The following ATG10 variants were observed in gnomAD, a reference collection of about 807,000 sequenced individuals.
ATG10 encodes the protein autophagy related 10, also known as ubiquitin-like-conjugating enzyme ATG10.
Under a neutral mutation model 32.1 loss-of-function variants are expected in ATG10, and 30 were observed. That is an observed-to-expected ratio of 0.94 (90% CI 0.70 to 1.27). ATG10 has a LOEUF of 1.27. ATG10 is among the 50% of genes most tolerant of loss of function. The pLI is 0.00. For missense variants in ATG10, 233 were observed against 262.3 expected (o/e 0.89, Z 0.77); for synonymous variants, 87 against 91.5 (o/e 0.95, Z 0.28).
intron 2 of ATG10, among the ~76,000 whole-genome samples, chr5:82,041,371 T>G (rs898697393): frequency 1.3e-5 from 2 of 152,192 alleles, no homozygotes; most frequent in Non-Finnish European, 2.9e-5. Flanking sequence ...AATAAGTATT[T>G]TTGGATAAAT....
chr5:82,119,552 C>T (rs576483605), intron 3 of ATG10, among the ~76,000 whole-genome samples: 1 of 152,214 alleles, frequency 6.6e-6, no homozygotes, highest in East Asian at 1.9e-4. Context: ...CCTCCGCCTC[C>T]TGGGTTCAAG....
chr5:82,197,985 A>G (rs1410963739), intron 5 of ATG10, among the ~76,000 whole-genome samples: 1 of 152,126 alleles, frequency 6.6e-6, no homozygotes. Context: ...TTCATGGAAA[A>G]ATAGAACTCC....
At chr5:82,017,003 C>G (rs1762305031) in intron 2 of ATG10, among the ~76,000 whole-genome samples, 1 of 152,094 alleles carries the variant, frequency 6.6e-6, no homozygotes, top group African/African-American at 2.4e-5. Context: ...GCAGTTTGGT[C>G]ATTTTTATAA....
chr5:81,987,905 C>T (rs188294623), intron 2 of ATG10, among the ~76,000 whole-genome samples: 1 of 152,216 alleles, frequency 6.6e-6, no homozygotes, highest in Non-Finnish European at 1.5e-5. Flanking sequence ...TTTGAAAAGT[C>T]CTTACGTAAC....
At chr5:82,009,690 C>G in intron 2 of ATG10, 1 of 1,584,282 alleles carries the variant, frequency 6.3e-7, no homozygotes, top group Non-Finnish European at 8.6e-7. Flanking sequence ...AATATTCATG[C>G]CTTCTTTCAC....
intron 3 of ATG10, among the ~76,000 whole-genome samples, chr5:82,108,441 A>T (rs1380456490): frequency 1.3e-5 from 2 of 151,948 alleles, no homozygotes; most frequent in African/African-American, 2.4e-5. Flanking sequence ...ATTTATGTAC[A>T]TATCATATAT....
chr5:82,101,843 T>A (rs1765283125), intron 3 of ATG10, among the ~76,000 whole-genome samples: 1 of 152,240 alleles, frequency 6.6e-6, no homozygotes, highest in Non-Finnish European at 1.5e-5. Context: ...AGTTTTAGTT[T>A]GATTAACTAT....
At chr5:82,000,983 A>G (rs1404754121) in intron 2 of ATG10, among the ~76,000 whole-genome samples, 2 of 152,156 alleles carry the variant, frequency 1.3e-5, no homozygotes, top group Non-Finnish European at 2.9e-5. Context: ...TCTATGCACC[A>G]ACAATATCCA....
At chr5:82,093,349 A>G (rs1764953615) in intron 3 of ATG10, among the ~76,000 whole-genome samples, 1 of 152,132 alleles carries the variant, frequency 6.6e-6, no homozygotes, top group Non-Finnish European at 1.5e-5. Context: ...TATGTCTTCA[A>G]GTTCACTAAG....
At position 82,191,144 on chromosome 5, in the gene ATG10, T is replaced by C. The variant is rs371422801; in HGVS notation, c.453+12557T>C. On this transcript the variant is annotated intron_variant, in intron 5 of 7. Transcript: ENST00000282185. ...TCATTCTTCTTAATGTGTTACAGTC[T>C]GATGTCAACCAGTCTTTTGATTGGA... Among the ~76,000 whole-genome samples the C allele has an allele frequency of 2.4e-4, 36 of 152,360 alleles. No individual in the cohort carries two copies. In the South Asian group the frequency reaches 5.4e-3, roughly 23 times the overall value.
rs139628655 is a variant in ATG10, at chr5:82,152,467, C to G, written c.217-11932C>G. 3.2e-3 allele frequency among the ~76,000 whole-genome samples: 485 copies of G among 152,330 alleles called. 4 individuals are homozygous for G. Among genetic ancestry groups the G allele is most frequent in the Non-Finnish European group, 5.4e-3 (370 of 68,024 alleles). ...TTTACATCTGTCACATTTTGAGGTG[C>G]TAACTTTTCAATGGGCACCTTAAAA... On this transcript the variant is annotated intron_variant, in intron 3 of 7. Transcript: ENST00000282185.
chr5:81,991,122 A>C (rs1761441548), intron 2 of ATG10, among the ~76,000 whole-genome samples: 4 of 152,146 alleles, frequency 2.6e-5, no homozygotes, highest in Admixed American at 2.6e-4. Flanking sequence ...CTGTGTTCTC[A>C]ATTTGGGCAT....
rs183299607 is a variant in ATG10 at position 82,065,261 on chromosome 5, C to T, written c.216+6659C>T. Among the ~76,000 whole-genome samples the T allele has an allele frequency of 2.3e-3, 357 of 152,088 alleles. 7 individuals are homozygous for T. The highest frequency in any genetic ancestry group is 1.5e-3 in the Non-Finnish European group (102 of 67,992). On this transcript the variant is annotated intron_variant, in intron 3 of 7. Coordinates refer to ENST00000282185, the MANE Select transcript of ATG10 (RefSeq NM_031482.5). ...AGCACTTTGGGAGGCCGAGTCGGGG[C>T]GGATCACTTGAGGCTGTGAGTTTGA...
At chr5:82,014,235 T>C (rs533544945) in intron 2 of ATG10, among the ~76,000 whole-genome samples, 225 of 152,286 alleles carry the variant, frequency 1.5e-3, no homozygotes, top group African/African-American at 5.1e-3. Flanking sequence ...TGCTGAGGAG[T>C]GCTTTACTTC....
chr5:82,066,999 A>G (rs1400832639), intron 3 of ATG10, among the ~76,000 whole-genome samples: 2 of 152,174 alleles, frequency 1.3e-5, no homozygotes, highest in Admixed American at 6.5e-5. Context: ...GAAGTCTGTT[A>G]TGTTTAATGT....
At chr5:82,012,032 TG>T (rs1762140769) in intron 2 of ATG10, among the ~76,000 whole-genome samples, 1 of 152,180 alleles carries the variant, frequency 6.6e-6, no homozygotes, top group Non-Finnish European at 1.5e-5. Flanking sequence ...TGCTGCTGGA[TG>T]GCATATTTTC....
intron 2 of ATG10, among the ~76,000 whole-genome samples, chr5:82,013,273 T>A (rs919483188): frequency 8.5e-5 from 13 of 152,218 alleles, no homozygotes; most frequent in Admixed American, 2.6e-4. Context: ...CTTATGCCTT[T>A]GACTCCTCAT....
At chr5:82,015,535 C>T (rs1371284743) in intron 2 of ATG10, among the ~76,000 whole-genome samples, 6 of 152,116 alleles carry the variant, frequency 3.9e-5, no homozygotes, top group Non-Finnish European at 8.8e-5. Flanking sequence ...TCTTTTTATT[C>T]TTTTTTCTCT....
intron 2 of ATG10, among the ~76,000 whole-genome samples, chr5:82,032,082 T>G (rs971914739): frequency 1.3e-5 from 2 of 152,164 alleles, no homozygotes; most frequent in African/African-American, 4.8e-5. Context: ...CTATGTTGCT[T>G]CAGATGAGAC....
Sources: gnomAD v4.1 joint callset for allele counts (sites outside exome capture counted in the v4.1 genomes callset) on GRCh38, gnomAD v4.1.1 for gene constraint, MANE v1.5 for transcripts, NCBI Gene and HGNC (gene_info 2026-07-23, HGNC 2026-07-21) for gene names.